GFRA2: variants seen among roughly 807,000 people sequenced by gnomAD.
GFRA2 encodes the protein GDNF family receptor alpha-2.
GFRA2 carries 17 observed loss-of-function variants against 48.3 expected under a neutral mutation model. The observed-to-expected ratio is 0.35, with a 90% CI of 0.24 to 0.53. The LOEUF (loss-of-function observed/expected upper bound fraction) is 0.53, where lower values mean the gene tolerates loss of function less well. Among genes scored for constraint, GFRA2 ranks in the 20% least tolerant of loss-of-function variants. The probability of loss-of-function intolerance (pLI) is 0.93; values close to 1 mark genes in which losing one functional copy is unlikely to be tolerated. For synonymous variants in GFRA2, 305 were observed against 257.2 expected, an observed-to-expected ratio of 1.19 and a Z score of -1.78; for missense variants, 660 against 637.3, an observed-to-expected ratio of 1.04 and a Z score of -0.38.
intron 3 of GFRA2, among the ~76,000 whole-genome samples, chr8:21,754,511 T>TC (rs1156753155): frequency 6.9e-6 from 1 of 144,872 alleles, no homozygotes. Flanking sequence ...TTTTCTTTTT[T>TC]TTTTTTTTTT....
At chr8:21,700,405 G>T (rs999959943) in intron 7 of GFRA2, among the ~76,000 whole-genome samples, 30 of 152,330 alleles carry the variant, frequency 2.0e-4, no homozygotes, top group African/African-American at 7.0e-4. Context: ...TCGGCCACAG[G>T]GCCAACTGGG....
chr8:21,729,623 A>G (rs946297081), intron 4 of GFRA2, among the ~76,000 whole-genome samples: 1 of 152,206 alleles, frequency 6.6e-6, no homozygotes, highest in Non-Finnish European at 1.5e-5. Flanking sequence ...TGTTGTCAAA[A>G]TCCACAGACA....
chr8:21,794,233 CTTTTTT>C (rs1159236794), intron 2 of GFRA2, among the ~76,000 whole-genome samples: 86 of 66,944 alleles, frequency 1.3e-3, no homozygotes, highest in Non-Finnish European at 1.6e-3. Context: ...CTGAGAGTGA[CTTTTTT>C]TTTTTTTTTT....
At chr8:21,707,884 A>G (rs759485259) in intron 4 of GFRA2, among the ~76,000 whole-genome samples, 11 of 152,224 alleles carry the variant, frequency 7.2e-5, no homozygotes, top group Non-Finnish European at 1.3e-4. Flanking sequence ...GATGGTTTAA[A>G]AGGTACTTTC....
chr8:21,782,476 G>T, intron 2 of GFRA2, 109 bp downstream of exon 2: 1 of 790,488 alleles, frequency 1.3e-6, no homozygotes, highest in Non-Finnish European at 2.0e-6. Flanking sequence ...TAGAGAGCTG[G>T]CCAGTTTGCG....
At chr8:21,720,940 G>A (rs1803562999) in intron 4 of GFRA2, among the ~76,000 whole-genome samples, 1 of 148,736 alleles carries the variant, frequency 6.7e-6, no homozygotes, top group Non-Finnish European at 1.5e-5. Context: ...AGAAATGCCT[G>A]ACACTCAAAA....
At chr8:21,794,117 G>C (rs1246631105) in intron 2 of GFRA2, among the ~76,000 whole-genome samples, 1 of 151,602 alleles carries the variant, frequency 6.6e-6, no homozygotes, top group Non-Finnish European at 1.5e-5. Flanking sequence ...GCCTGGCAAA[G>C]TGCTGGGATT....
chr8:21,760,227 G>A (rs116211848), intron 3 of GFRA2, among the ~76,000 whole-genome samples: 113 of 152,284 alleles, frequency 7.4e-4, no homozygotes, highest in Admixed American at 2.2e-3. Flanking sequence ...GCAAAGCGCT[G>A]GAGAGCATTA....
rs754503528 is a variant in GFRA2 at position 21,702,898 on chromosome 8, G to A, written c.1125C>T (p.Ala375=). ...AAGAAGGCGTCTTCTCCACCCGAGG[G>A]GCCTGGGTGGCCTGGAACGAGGGGC... ...PKGPSFQATQ[A]PRVEKTPSLP... is the part of the protein sequence containing the mutation. Residue 375 remains alanine, a synonymous_variant, in exon 7 of 9, where the codon GCC becomes GCT. Transcript: ENST00000524240. 22 of 1,596,928 alleles carry A rather than the reference G, an allele frequency of 1.4e-5. No individual in the cohort carries two copies. Among genetic ancestry groups the A allele is most frequent in the South Asian group, 1.0e-4 (9 of 88,502 alleles).
At chr8:21,747,439 G>A (rs1047337442) in intron 4 of GFRA2, among the ~76,000 whole-genome samples, 8 of 152,210 alleles carry the variant, frequency 5.3e-5, no homozygotes, top group Non-Finnish European at 7.4e-5. Flanking sequence ...CGCCTCAATC[G>A]GTTTGTGTAG....
chr8:21,726,327 C>T (rs144014989), intron 4 of GFRA2, among the ~76,000 whole-genome samples: 281 of 152,344 alleles, frequency 1.8e-3, no homozygotes, highest in African/African-American at 6.4e-3. Context: ...TTAGGGATCA[C>T]AGCAACATGA....
chr8:21,731,236 C>G (rs1483165143), intron 4 of GFRA2, among the ~76,000 whole-genome samples: 1 of 152,162 alleles, frequency 6.6e-6, no homozygotes, highest in East Asian at 1.9e-4. Context: ...GCCATAACCC[C>G]ACCCACTGAG....
intron 3 of GFRA2, among the ~76,000 whole-genome samples, chr8:21,752,207 C>G (rs932466890): frequency 6.6e-6 from 1 of 152,154 alleles, no homozygotes; most frequent in Non-Finnish European, 1.5e-5. Context: ...TGACCACACA[C>G]CCCTCTTAAG....
chr8:21,693,313 C>T lies in GFRA2; in HGVS notation c.1360G>A (p.Val454Met), dbSNP rs371692013. 87 of 1,613,452 alleles carry T rather than the reference C, an allele frequency of 5.4e-5. No individual in the cohort carries two copies. In the African/African-American group the frequency reaches 6.0e-4, roughly 11 times the overall value. ...AGTTTCAGCATCAGGACAGACAGCA[C>T]GGTCAAGGCAGCCGACGGTCTGGCT... ...SRARPSAALT[V>M]LSVLMLKLAL Residue 454 changes from valine to methionine, a missense_variant, in exon 9 of 9, where the codon GTG becomes ATG. Coordinates refer to ENST00000524240, the MANE Select transcript of GFRA2 (RefSeq NM_001495.5).
chr8:21,767,367 TAC>T (rs1806222851), intron 3 of GFRA2, among the ~76,000 whole-genome samples: 1 of 152,128 alleles, frequency 6.6e-6, no homozygotes, highest in African/African-American at 2.4e-5. Flanking sequence ...CATGCGTACT[TAC>T]ACTCTCCACA....
intron 3 of GFRA2, among the ~76,000 whole-genome samples, chr8:21,764,179 T>C (rs1806045367): frequency 6.6e-6 from 1 of 152,208 alleles, no homozygotes; most frequent in African/African-American, 2.4e-5. Context: ...CAGAAATTTA[T>C]TTCTCATGGT....
chr8:21,798,121 A>C (rs1807710950), intron 2 of GFRA2, among the ~76,000 whole-genome samples: 1 of 152,180 alleles, frequency 6.6e-6, no homozygotes, highest in African/African-American at 2.4e-5. Context: ...CAAGCAATGA[A>C]GCCCAGGATT....
chr8:21,711,462 C>A (rs939814752), intron 4 of GFRA2, among the ~76,000 whole-genome samples: 1 of 152,180 alleles, frequency 6.6e-6, no homozygotes, highest in African/African-American at 2.4e-5. Flanking sequence ...AAAACACAAA[C>A]CCTCTCTGGG....
chr8:21,772,431 A>G (rs1311772935), intron 3 of GFRA2, among the ~76,000 whole-genome samples: 1 of 152,130 alleles, frequency 6.6e-6, no homozygotes, highest in Non-Finnish European at 1.5e-5. Flanking sequence ...GGCCTCCAAA[A>G]GTGCTGAAAT....
Sources: gnomAD v4.1 joint callset for allele counts (sites outside exome capture counted in the v4.1 genomes callset) on GRCh38, gnomAD v4.1.1 for gene constraint, MANE v1.5 for transcripts, NCBI Gene and HGNC (gene_info 2026-07-23, HGNC 2026-07-21) for gene names.